SYTL5: variants seen among roughly 807,000 people sequenced by gnomAD.
The protein encoded by SYTL5 is synaptotagmin-like protein 5.
SYTL5 carries 34 observed loss-of-function variants against 55.9 expected under a neutral mutation model. The ratio of observed to expected loss-of-function variants is 0.61; its 90% CI spans 0.46 to 0.81. The LOEUF is 0.81. Ranked by LOEUF, SYTL5 falls within the 30% of genes least tolerant of loss-of-function variation. SYTL5 has a pLI of 0.00. For synonymous variants in SYTL5, 221 were observed against 188.7 expected (o/e 1.17, Z -1.40); for missense variants, 637 against 546.7 (o/e 1.17, Z -1.65).
chrX:38,057,360 G>A (rs770290873), intron 3 of SYTL5, among the ~76,000 whole-genome samples: 1 of 111,389 alleles, frequency 9.0e-6, no homozygotes, highest in Non-Finnish European at 1.9e-5. Context: ...TTTTATACTA[G>A]TACCATGCTG....
At chrX:37,922,641 A>G in the SYTL5 span, among the ~76,000 whole-genome samples, 1 of 111,821 alleles carries the variant, frequency 8.9e-6, no homozygotes, top group Non-Finnish European at 1.9e-5. Flanking sequence ...GCACCACTAT[A>G]GTATAATTCA....
intron 13 of SYTL5, among the ~76,000 whole-genome samples, chrX:38,110,985 A>G (rs1001732165): frequency 1.8e-5 from 2 of 111,954 alleles, no homozygotes; most frequent in African/African-American, 6.5e-5. Flanking sequence ...GCCTTGAGTT[A>G]CATTCAGAAA....
chrX:37,939,096 A>G, the SYTL5 span, among the ~76,000 whole-genome samples: 22 of 109,582 alleles, frequency 2.0e-4, no homozygotes, highest in Admixed American at 2.2e-3. Context: ...CGTCTCTACT[A>G]AAAATACCCA....
the SYTL5 span, among the ~76,000 whole-genome samples, chrX:37,916,772 T>G: frequency 8.9e-6 from 1 of 112,370 alleles, no homozygotes; most frequent in African/African-American, 3.2e-5. Flanking sequence ...ATATCCAGTT[T>G]ACCCTATTAA....
chrX:38,110,427 T>C lies in SYTL5; in HGVS notation c.1541T>C (p.Phe514Ser). The C allele has an allele frequency of 8.3e-7, 1 of 1,209,207 alleles. No individual in the cohort carries two copies. Among genetic ancestry groups the C allele is most frequent in the Non-Finnish European group, 1.1e-6 (1 of 894,067 alleles). ...TTCCTCGGGGAAGTAGAGATTCCTTTTGACTCATGGAACTTTGAAAATCCA... is the reference window on the plus strand; with the variant it reads ...TTCCTCGGGGAAGTAGAGATTCCTTCTGACTCATGGAACTTTGAAAATCCA... ...NSFLGEVEIP[F>S]DSWNFENPTD... Residue 514 changes from phenylalanine (F) to serine (S), a missense_variant, in exon 13 of 17, where the codon TTT becomes TCT. Transcript: ENST00000297875.
chrX:38,106,786 T>A lies in SYTL5; in HGVS notation c.1334+15T>A, dbSNP rs1937228494. The A allele has an allele frequency of 3.4e-6, 4 of 1,165,922 alleles. No homozygotes were observed. The East Asian group carries it at 1.2e-4, about 36-fold the overall frequency. On this transcript the variant is annotated intron_variant, in intron 11 of 16. Coordinates refer to ENST00000297875, the MANE Select transcript of SYTL5 (RefSeq NM_138780.3). ...AGGACAGATGCGTAAGCACATAGCA[T>A]GTTCCTCAGACTATTTCAGTCACTG... is the stretch of plus-strand genomic sequence containing the variant.
the SYTL5 span, among the ~76,000 whole-genome samples, chrX:37,987,473 T>C: frequency 7.3e-4 from 82 of 112,605 alleles, 3 homozygotes; most frequent in East Asian, 8.6e-3. Flanking sequence ...CATCTGTCTT[T>C]CCTACTAGAC....
chrX:38,033,396 T>C (rs1256338777), intron 1 of SYTL5, 138 bp from the exon 2 acceptor site: 2 of 112,932 alleles, frequency 1.8e-5, no homozygotes, highest in African/African-American at 6.4e-5. Context: ...ATTTAATAAA[T>C]GCATGTTTAC....
At chrX:38,059,160 G>A (rs1387869610) in intron 3 of SYTL5, among the ~76,000 whole-genome samples, 2 of 111,437 alleles carry the variant, frequency 1.8e-5, no homozygotes, top group East Asian at 5.6e-4. Context: ...TTTTCTAACC[G>A]TCTGCTGACC....
the SYTL5 span, among the ~76,000 whole-genome samples, chrX:37,907,477 C>T: frequency 1.8e-5 from 2 of 112,139 alleles, no homozygotes; most frequent in East Asian, 2.8e-4. Context: ...ATGTCGTCCC[C>T]GGGGAGCCGT....
At chrX:38,043,174 T>C (rs902000096) in intron 2 of SYTL5, among the ~76,000 whole-genome samples, 4 of 111,630 alleles carry the variant, frequency 3.6e-5, no homozygotes, top group Non-Finnish European at 7.5e-5. Context: ...AGGGCATCAA[T>C]GTCTGCAACT....
intron 3 of SYTL5, among the ~76,000 whole-genome samples, chrX:38,054,786 T>C (rs1935734154): frequency 9.0e-6 from 1 of 111,303 alleles, no homozygotes; most frequent in Non-Finnish European, 1.9e-5. Flanking sequence ...TGGAGTGTAG[T>C]GGCTGTTATC....
rs767892713 is a variant in SYTL5, at chrX:38,108,611, C to T, written c.1346C>T (p.Ser449Leu). ...TTTCTTATCTATAGTTATGTCAAGTCATATCTTCTTCCTGACAAGTCCCGG... is the reference window on the plus strand; with the variant it reads ...TTTCTTATCTATAGTTATGTCAAGTTATATCTTCTTCCTGACAAGTCCCGG... The part of the protein sequence containing the change: ...KKQRTDAYVK[S>L]YLLPDKSRNN... The change falls in exon 12 of 17, where the codon TCA becomes TTA. Residue 449 changes from serine to leucine, a missense_variant. Ser to Leu is a moderately radical substitution (Grantham distance 145). Coordinates refer to ENST00000297875, the MANE Select transcript of SYTL5 (RefSeq NM_138780.3). 5.1e-6 allele frequency: 6 copies of T among 1,181,297 alleles called. No individual in the cohort carries two copies. The African/African-American group carries it at 1.1e-4, about 21-fold the overall frequency.
chrX:37,952,249 G>A, the SYTL5 span, among the ~76,000 whole-genome samples: 17 of 111,677 alleles, frequency 1.5e-4, no homozygotes, highest in Admixed American at 1.6e-3. Context: ...TCACGCTTCT[G>A]CTACTTGATT....
At chrX:37,943,949 G>A in the SYTL5 span, among the ~76,000 whole-genome samples, 2 of 110,940 alleles carry the variant, frequency 1.8e-5, no homozygotes, top group Admixed American at 9.6e-5. Context: ...TCTCTCCCAT[G>A]GCCTCATCGG....
chrX:38,059,239 A>C (rs911844553), intron 3 of SYTL5, among the ~76,000 whole-genome samples: 1 of 111,349 alleles, frequency 9.0e-6, no homozygotes, highest in Non-Finnish European at 1.9e-5. Flanking sequence ...TAAATTATAG[A>C]TCTGTTATCT....
intron 11 of SYTL5, among the ~76,000 whole-genome samples, chrX:38,108,126 A>G (rs1314312972): frequency 8.9e-6 from 1 of 112,296 alleles, no homozygotes; most frequent in Non-Finnish European, 1.9e-5. Context: ...AAGACTAGTA[A>G]TAGAGAAGCA....
chrX:38,037,861 C>T (rs1340316658), intron 2 of SYTL5, among the ~76,000 whole-genome samples: 3 of 110,377 alleles, frequency 2.7e-5, no homozygotes, highest in Non-Finnish European at 5.7e-5. Flanking sequence ...AAAGAATTGG[C>T]TCATATGATT....
chrX:38,068,974 A>G (rs764906845), intron 3 of SYTL5, among the ~76,000 whole-genome samples: 37 of 112,027 alleles, frequency 3.3e-4, no homozygotes, highest in African/African-American at 1.1e-3. Flanking sequence ...TTTGAATTTC[A>G]TATACTTTTC....
Sources: gnomAD v4.1 joint callset for allele counts (sites outside exome capture counted in the v4.1 genomes callset) on GRCh38, gnomAD v4.1.1 for gene constraint, MANE v1.5 for transcripts, NCBI Gene and HGNC (gene_info 2026-07-23, HGNC 2026-07-21) for gene names.